The following PTPN23 variants were observed in gnomAD, a reference collection of about 807,000 sequenced individuals.
PTPN23 encodes protein tyrosine phosphatase non-receptor type 23, also known as tyrosine-protein phosphatase non-receptor type 23.
Under a neutral mutation model 156.3 loss-of-function variants are expected in PTPN23, and 72 were observed. The observed-to-expected ratio is 0.46, with a 90% confidence interval of 0.38 to 0.56. The LOEUF is 0.56. Ranked by LOEUF, PTPN23 falls within the 20% of genes least tolerant of loss-of-function variation. The pLI, the probability that PTPN23 is intolerant of heterozygous loss-of-function variation, is 0.00. For missense variants in PTPN23, 1,974 were observed against 2,171.5 expected (o/e 0.91, Z 1.81); for synonymous variants, 957 against 899.6 (o/e 1.06, Z -1.14).
chr3:47,407,788 C>T lies in PTPN23; in HGVS notation c.1095C>T (p.Ala365=), dbSNP rs1705165190. 2 of 1,614,132 alleles carry T rather than the reference C, an allele frequency of 1.2e-6. No homozygotes were observed. Among genetic ancestry groups the T allele is most frequent in the South Asian group, 1.1e-5 (1 of 91,078 alleles). ...DIFAKLVPMA[A]HEASSLYSEE... is the part of the protein sequence containing the mutation. ...TTGCCAAACTGGTACCCATGGCTGC[C>T]CACGAGGCCTCGTCACTGTACAGGT... The change falls in exon 13 of 25, where the codon GCC becomes GCT. Residue 365 remains alanine (A), a synonymous_variant. Coordinates refer to ENST00000265562, the MANE Select transcript of PTPN23 (RefSeq NM_015466.4). The surrounding 1 kb of genome is among the most constrained non-coding windows in gnomAD (Gnocchi z 4.0).
chr3:47,404,295 G>T (rs1466135765), intron 2 of PTPN23, among the ~76,000 whole-genome samples: 2 of 152,130 alleles, frequency 1.3e-5, no homozygotes, highest in Non-Finnish European at 2.9e-5. Context: ...AGCCAGGCAT[G>T]GTGGCGTGTG....
At chr3:47,392,763 C>A (rs1025060993) in intron 1 of PTPN23, among the ~76,000 whole-genome samples, 1 of 152,104 alleles carries the variant, frequency 6.6e-6, no homozygotes, top group Admixed American at 6.6e-5. Context: ...CCATTTAGCT[C>A]TTCAGCAACT....
At position 47,412,956 on chromosome 3, in the gene PTPN23, A is replaced by AGCC. The variant is rs1411046290; in HGVS notation, c.4686_4688dup (p.Pro1563dup). On this transcript the variant is annotated inframe_insertion, in exon 25 of 25. Coordinates refer to ENST00000265562, the MANE Select transcript of PTPN23 (RefSeq NM_015466.4). Reference sequence around the variant, plus strand: ...CCTGAGGCTCCCCAGCCTAAGGAGGAGCCGCCAGTGCCTGAAGCCCCCAGC... The same window carrying AGCC: ...CCTGAGGCTCCCCAGCCTAAGGAGGAGCCGCCGCCAGTGCCTGAAGCCCCCAGC... 8 of 1,359,234 alleles carry AGCC rather than the reference A, an allele frequency of 5.9e-6. No homozygotes were observed. Among genetic ancestry groups the AGCC allele is most frequent in the Non-Finnish European group, 7.8e-6 (8 of 1,026,052 alleles). The allele number at this position is 1,359,234 out of a possible 1,614,324, so 84.2% of individuals were successfully genotyped here.
chr3:47,413,383 C>A lies in PTPN23; in HGVS notation c.*198C>A. ...GGTCAGGTTCTGCTCCTTTATGGGA[C>A]CCGACATTTTTCAGCTCTTTGCTAT... On this transcript the variant is annotated 3_prime_UTR_variant, in exon 25 of 25. Transcript: ENST00000265562. The A allele has an allele frequency of 1.5e-6, 1 of 678,726 alleles. No individual in the cohort carries two copies. The highest frequency in any genetic ancestry group is 2.4e-6 in the Non-Finnish European group (1 of 422,074). 42.0% of individuals were successfully genotyped at this position (678,726 alleles called of 1,614,324 possible). A position where few individuals can be genotyped will look rare whatever the true frequency, so the allele number is the denominator to read the frequency against.
intron 1 of PTPN23, among the ~76,000 whole-genome samples, chr3:47,384,506 C>T (rs1285371011): frequency 7.0e-6 from 1 of 143,702 alleles, no homozygotes; most frequent in Non-Finnish European, 1.5e-5. Flanking sequence ...TATAGAAATA[C>T]CAGCCTGAGG....
At chr3:47,390,690 CAG>C (rs1409535204) in intron 1 of PTPN23, among the ~76,000 whole-genome samples, 1 of 152,178 alleles carries the variant, frequency 6.6e-6, no homozygotes, top group East Asian at 1.9e-4. Flanking sequence ...TCAGCAGTCA[CAG>C]AGGATTTTGT....
intron 1 of PTPN23, among the ~76,000 whole-genome samples, chr3:47,382,992 T>A (rs886989040): frequency 6.6e-6 from 1 of 152,104 alleles, no homozygotes; most frequent in African/African-American, 2.4e-5. Flanking sequence ...TGGCCAAAAC[T>A]CCTGTTTTCT....
rs550952369 is a variant in PTPN23, at chr3:47,386,016, C to T, written c.84+4836C>T. ...GGAATTCCCTTCCTCCTGTTTATCA[C>T]ATGGGTTGAACTGTACGTCATTAGG... On this transcript the variant is annotated intron_variant, in intron 1 of 24. Transcript: ENST00000265562. Among the ~76,000 whole-genome samples, 5 of 152,320 alleles carry T rather than the reference C, an allele frequency of 3.3e-5. No homozygotes were observed. The South Asian group carries it at 1.0e-3, about 32-fold the overall frequency.
chr3:47,412,911 C>G lies in PTPN23; in HGVS notation c.4637C>G (p.Pro1546Arg). 1 of 1,603,058 alleles carries G rather than the reference C, an allele frequency of 6.2e-7. No homozygotes were observed. The highest frequency in any genetic ancestry group is 1.7e-4 in the Middle Eastern group (1 of 6,012). ...ACCCCAATCCCATCTTCCTCCCCGC[C>G]CCCCCTTTCCTCCCCACTACCTGAG... ...ESTPIPSSSP[P>R]PLSSPLPEAP... The change falls in exon 25 of 25, where the codon CCC (proline) becomes CGC (arginine). Residue 1546 changes from proline to arginine, a missense_variant. Physicochemically the swap from Pro to Arg is moderately radical, Grantham distance 103. Around this residue, in one of 4 missense-constraint regions of PTPN23, gnomAD observed 484 missense variants for 516.0 expected, o/e 0.94. Transcript: ENST00000265562.
chr3:47,396,865 G>A (rs1395545552), intron 2 of PTPN23, among the ~76,000 whole-genome samples: 1 of 152,228 alleles, frequency 6.6e-6, no homozygotes, highest in East Asian at 1.9e-4. Context: ...GGTTGGGACT[G>A]CAGTGAGCCA....
At chr3:47,401,017 C>T (rs1317643847) in intron 2 of PTPN23, among the ~76,000 whole-genome samples, 2 of 149,940 alleles carry the variant, frequency 1.3e-5, no homozygotes, top group African/African-American at 4.9e-5. Context: ...ATTCTTCTGC[C>T]TCAGCCTCCC....
intron 1 of PTPN23, among the ~76,000 whole-genome samples, chr3:47,390,684 C>T (rs2107697219): frequency 6.6e-6 from 1 of 152,250 alleles, no homozygotes. Context: ...GAGTGATCAG[C>T]AGTCACAGAG....
At position 47,381,175 on chromosome 3, in the gene PTPN23, A is replaced by C; in HGVS notation, c.79A>C (p.Lys27Gln). ...AGDFHFQPAV[K>Q]KFVLKNYGEN... ...TGACTTTCACTTCCAGCCAGCTGTG[A>C]AGAAGGTGAGCTTGCCTTCCATCTT... Residue 27 changes from lysine (K) to glutamine (Q), a missense_variant, in exon 1 of 25, where the codon AAG (lysine) becomes CAG (glutamine). Coordinates refer to ENST00000265562, the MANE Select transcript of PTPN23 (RefSeq NM_015466.4). The C allele has an allele frequency of 6.3e-7, 1 of 1,583,888 alleles. No homozygotes were observed. Among genetic ancestry groups the C allele is most frequent in the East Asian group, 2.3e-5 (1 of 42,800 alleles).
Position 47,409,483 on chromosome 3 carries a change from G to T in PTPN23, c.1864G>T (p.Ala622Ser), listed in dbSNP as rs370196275. Residue 622 changes from alanine (A) to serine (S), a missense_variant, in exon 18 of 25, where the codon GCC (alanine) becomes TCC (serine). Ala to Ser is a moderately conservative substitution (Grantham distance 99). Around this residue, in one of 4 missense-constraint regions of PTPN23, gnomAD observed 726 missense variants for 929.5 expected, o/e 0.78. Transcript: ENST00000265562. Reference protein sequence around the residue: ...LKVYLEQNLAAQDRVLCALTE... With the variant: ...LKVYLEQNLASQDRVLCALTE... Reference sequence around the variant, plus strand: ...GGTGTACCTGGAGCAGAACCTGGCCGCCCAGGACCGTGTCCTCTGTGCACT... The same window carrying T: ...GGTGTACCTGGAGCAGAACCTGGCCTCCCAGGACCGTGTCCTCTGTGCACT... 7 of 1,614,000 alleles carry T rather than the reference G, an allele frequency of 4.3e-6. No individual in the cohort carries two copies. The East Asian group carries it at 1.6e-4, about 36-fold the overall frequency.
chr3:47,412,210 G>A lies in PTPN23; in HGVS notation c.4178+12G>A, dbSNP rs1230565936. ...ATTGTGCACTGCAGGTAGAGGGTGG[G>A]CCTGAGGGTCTCTCCTCTATGGGCT... On this transcript the variant is annotated intron_variant, in intron 22 of 24. Transcript: ENST00000265562. 9.3e-6 allele frequency: 15 copies of A among 1,613,086 alleles called. No individual in the cohort carries two copies. The highest frequency in any genetic ancestry group is 2.2e-5 in the South Asian group (2 of 91,082).
rs747267598 is a variant in PTPN23 at position 47,410,866 on chromosome 3, C to T, written c.3068C>T (p.Ala1023Val). 12 of 1,610,986 alleles carry T rather than the reference C, an allele frequency of 7.4e-6. No individual in the cohort carries two copies. In the South Asian group the frequency reaches 1.3e-4, roughly 18 times the overall value. The change falls in exon 20 of 25, where the codon GCT becomes GTT. Residue 1023 changes from alanine (A) to valine (V), a missense_variant. Physicochemically the swap from Ala to Val is moderately conservative, Grantham distance 64. Coordinates refer to ENST00000265562, the MANE Select transcript of PTPN23 (RefSeq NM_015466.4). Reference sequence around the variant, plus strand: ...CACACCCAGCTCTACCCAGGTCCCGCTCAAGACCCTCTGCCAGCCCACTCA... The same window carrying T: ...CACACCCAGCTCTACCCAGGTCCCGTTCAAGACCCTCTGCCAGCCCACTCA... ...PLHTQLYPGP[A>V]QDPLPAHSGA...
chr3:47,395,968 TG>T (rs1704870428), intron 1 of PTPN23, among the ~76,000 whole-genome samples, 174 bp from the exon 2 acceptor site: 2 of 59,322 alleles, frequency 3.4e-5, no homozygotes, highest in African/African-American at 9.5e-5. Context: ...ACGGCTCTCG[TG>T]GTCAGCATTT....
In PTPN23 at chr3:47,408,968, C is replaced by T. The variant is rs745551887; in HGVS notation, c.1523C>T (p.Ala508Val). 2 of 1,614,102 alleles carry T rather than the reference C, an allele frequency of 1.2e-6. No homozygotes were observed. Among genetic ancestry groups the T allele is most frequent in the African/African-American group, 2.7e-5 (2 of 74,948 alleles). Reference sequence around the variant, plus strand: ...AAGTACATGGAAGTCCATGAGAAGGCCTCCTTCACCAACAGTGAGCTGCAC... The same window carrying T: ...AAGTACATGGAAGTCCATGAGAAGGTCTCCTTCACCAACAGTGAGCTGCAC... ...WAKYMEVHEK[A>V]SFTNSELHRA... is the part of the protein sequence containing the mutation. Residue 508 changes from alanine to valine, a missense_variant, in exon 16 of 25, where the codon GCC becomes GTC. Physicochemically the swap from Ala to Val is moderately conservative, Grantham distance 64. Coordinates refer to ENST00000265562, the MANE Select transcript of PTPN23 (RefSeq NM_015466.4).
intron 1 of PTPN23, among the ~76,000 whole-genome samples, chr3:47,387,680 G>A (rs1329747303): frequency 4.6e-5 from 7 of 152,106 alleles, no homozygotes; most frequent in African/African-American, 1.7e-4. Context: ...GGTGAATAAA[G>A]GTAAAACTAA....
Sources: allele counts gnomAD v4.1 joint callset (sites outside exome capture counted in the v4.1 genomes callset), GRCh38; gene constraint gnomAD v4.1.1; regional missense constraint gnomAD v4.1.1; non-coding constraint Gnocchi (gnomAD v3.1); transcripts MANE v1.5; gene names NCBI Gene and HGNC (gene_info 2026-07-23, HGNC 2026-07-21).